The following TLE2 variants were observed in gnomAD, a reference collection of about 807,000 sequenced individuals.
TLE2 encodes the protein TLE family member 2, transcriptional corepressor, also known as transducin-like enhancer protein 2.
Under a neutral mutation model 97.2 loss-of-function variants are expected in TLE2, and 74 were observed. That is an observed-to-expected ratio of 0.76 (90% confidence interval 0.63 to 0.92). The LOEUF (loss-of-function observed/expected upper bound fraction) is 0.92, where lower values mean the gene tolerates loss of function less well. Among genes scored for constraint, TLE2 ranks in the 40% least tolerant of loss-of-function variants. The pLI is 0.00. For missense variants in TLE2, 1,038 were observed against 1,008.7 expected (o/e 1.03, Z -0.39); for synonymous variants, 499 against 432.1 (o/e 1.15, Z -1.92).
chr19:3,045,337 C>T (rs1451703189), intron 1 of TLE2, among the ~76,000 whole-genome samples: 1 of 152,174 alleles, frequency 6.6e-6, no homozygotes, highest in Non-Finnish European at 1.5e-5. Flanking sequence ...CCTTCAGCCA[C>T]AGGGAAGGTG....
At chr19:3,014,644 G>T (rs1220437715) in intron 9 of TLE2, 30 bp from the exon 10 acceptor site, 1 of 1,573,598 alleles carries the variant, frequency 6.4e-7, no homozygotes, top group Non-Finnish European at 8.6e-7. Flanking sequence ...AGAGCTCATT[G>T]TGGTCATGCC....
intron 1 of TLE2, among the ~76,000 whole-genome samples, chr19:3,035,768 C>A (rs10404481): frequency 0.099 from 15,079 of 152,194 alleles, 2,519 homozygotes; most frequent in African/African-American, 0.34. Flanking sequence ...GCACTGGGAT[C>A]AGTAGGGCCA....
chr19:3,045,024 C>G (rs1011436361), intron 1 of TLE2, among the ~76,000 whole-genome samples: 2 of 152,004 alleles, frequency 1.3e-5, no homozygotes, highest in African/African-American at 4.8e-5. Context: ...TTCAGACCAG[C>G]CTGGCCAACA....
At chr19:3,023,447 T>G (rs943534804) in intron 5 of TLE2, among the ~76,000 whole-genome samples, 5 of 152,150 alleles carry the variant, frequency 3.3e-5, no homozygotes, top group African/African-American at 1.2e-4. Flanking sequence ...CACCCCAAGC[T>G]TCCAGAAATC....
At position 3,006,442 on chromosome 19, in the gene TLE2, G is replaced by A. The variant is rs2089480364; in HGVS notation, c.1478C>T (p.Pro493Leu). 6.2e-7 allele frequency: 1 copy of A among 1,610,444 alleles called. No individual in the cohort carries two copies. Among genetic ancestry groups the A allele is most frequent in the Non-Finnish European group, 8.5e-7 (1 of 1,179,532 alleles). Residue 493 changes from proline (P) to leucine (L), a missense_variant, in exon 15 of 20, where the codon CCC becomes CTC. Pro to Leu is a moderately conservative substitution (Grantham distance 98). Transcript: ENST00000262953. ...WDVGQPGAKT[P>L]VAQLDCLNRD... ...CACCAGGCAGTCGAGCTGGGCCACG[G>A]GCGTCTTGGCCCCAGGCTGGCCCAC...
At chr19:3,017,322 G>A (rs1321806029) in intron 8 of TLE2, among the ~76,000 whole-genome samples, 1 of 151,590 alleles carries the variant, frequency 6.6e-6, no homozygotes, top group African/African-American at 2.4e-5. Context: ...ATTTTTAGTA[G>A]AGACAGGGTT....
chr19:3,041,526 A>T (rs1599257615), intron 1 of TLE2, among the ~76,000 whole-genome samples: 2 of 152,136 alleles, frequency 1.3e-5, no homozygotes, highest in South Asian at 4.1e-4. Context: ...TCCTCGGCTC[A>T]AATGTCACCT....
intron 1 of TLE2, among the ~76,000 whole-genome samples, chr19:3,045,386 G>T (rs542785612): frequency 6.6e-6 from 1 of 152,182 alleles, no homozygotes; most frequent in Non-Finnish European, 1.5e-5. Context: ...TACGGGGCAG[G>T]GGTCGTGAGC....
At chr19:3,039,732 G>C (rs1300671374) in intron 1 of TLE2, among the ~76,000 whole-genome samples, 1 of 152,182 alleles carries the variant, frequency 6.6e-6, no homozygotes. Context: ...GCCTCACCAA[G>C]GTCACCCAGC....
At chr19:3,018,004 C>A in intron 7 of TLE2, 145 bp from the exon 8 acceptor site, 2 of 660,238 alleles carry the variant, frequency 3.0e-6, no homozygotes, top group Non-Finnish European at 5.1e-6. Context: ...TTCCAACACC[C>A]TTGCAAGTGG....
chr19:3,045,789 T>A (rs1445963833), upstream of TLE2: 1 of 433,962 alleles, frequency 2.3e-6, no homozygotes, highest in Admixed American at 2.4e-5. Flanking sequence ...ATTGCACCAT[T>A]GCACTTCAGC....
intron 14 of TLE2, 36 bp downstream of exon 14, chr19:3,008,833 G>T: frequency 6.7e-7 from 1 of 1,489,888 alleles, no homozygotes; most frequent in Non-Finnish European, 9.0e-7. Context: ...GGGCTGGCCC[G>T]GGACCCCAGG....
At chr19:3,001,350 A>G (rs2089354720) in intron 18 of TLE2, among the ~76,000 whole-genome samples, 1 of 151,998 alleles carries the variant, frequency 6.6e-6, no homozygotes, top group African/African-American at 2.4e-5. Flanking sequence ...CCTGGCCTCA[A>G]GCGATCCTCC....
upstream of TLE2, among the ~76,000 whole-genome samples, chr19:3,032,131 C>G (rs1416246494): frequency 1.3e-5 from 2 of 151,990 alleles, no homozygotes; most frequent in Non-Finnish European, 2.9e-5. The surrounding 1 kb of genome is among the most constrained non-coding windows in gnomAD (Gnocchi z 4.1). Context: ...ACGGATTCAC[C>G]ATGTTGGCCG....
intron 1 of TLE2, among the ~76,000 whole-genome samples, chr19:3,037,053 G>C (rs1419104131): frequency 1.3e-5 from 2 of 152,258 alleles, no homozygotes; most frequent in East Asian, 3.8e-4. Context: ...AGGAGGCCGA[G>C]GCAGGCGGAT....
At chr19:3,015,103 G>C (rs1599219804) in intron 9 of TLE2, among the ~76,000 whole-genome samples, 1 of 148,470 alleles carries the variant, frequency 6.7e-6, no homozygotes, top group Admixed American at 6.7e-5. Flanking sequence ...AAGATTTAAG[G>C]CTTCTCTGAG....
chr19:3,046,931 T>TCCCTCC (rs1247386481), upstream of TLE2, among the ~76,000 whole-genome samples: 1 of 71,432 alleles, frequency 1.4e-5, no homozygotes, highest in Non-Finnish European at 2.6e-5. Context: ...CCCCCTCCTC[T>TCCCTCC]GCCTCCCCCT....
chr19:3,042,018 GGGCCCGGCCCAGCGTGTTCCCCGACA>G (rs2090107035), intron 1 of TLE2, among the ~76,000 whole-genome samples: 1 of 151,874 alleles, frequency 6.6e-6, no homozygotes, highest in African/African-American at 2.4e-5. Context: ...TTAGCCACGC[GGGCCCGGCCCAGCGTGTTCCCCGACA>G]GGCCCGGGCA....
At chr19:3,004,422 G>C (rs1344528544) in intron 17 of TLE2, among the ~76,000 whole-genome samples, 3 of 151,874 alleles carry the variant, frequency 2.0e-5, no homozygotes, top group Non-Finnish European at 4.4e-5. Context: ...TGGATCACTT[G>C]AGGCCAGGAA....
Sources: gnomAD v4.1 joint callset for allele counts (sites outside exome capture counted in the v4.1 genomes callset) on GRCh38, gnomAD v4.1.1 for gene constraint, Gnocchi (gnomAD v3.1) non-coding constraint, MANE v1.5 for transcripts, NCBI Gene and HGNC (gene_info 2026-07-23, HGNC 2026-07-21) for gene names.